Variants in NGDN observed in about 807,000 individuals in gnomAD.
The protein encoded by NGDN is neuroguidin, also known as EIF4E-binding protein.
A neutral mutation model predicts 45.2 loss-of-function variants in NGDN; 41 were observed. The ratio of observed to expected loss-of-function variants is 0.91; its 90% CI spans 0.71 to 1.18. The LOEUF is 1.18. NGDN is among the 50% of genes most tolerant of loss of function. The probability of loss-of-function intolerance (pLI) is 0.00; values close to 1 mark genes in which losing one functional copy is unlikely to be tolerated. For missense variants in NGDN, 402 were observed against 399.9 expected (o/e 1.01, Z -0.05); for synonymous variants, 137 against 130.9 (o/e 1.05, Z -0.32).
At chr14:23,477,145 T>C in intron 8 of NGDN, 55 bp from the exon 9 acceptor site, 1 of 1,588,550 alleles carries the variant, frequency 6.3e-7, no homozygotes. Flanking sequence ...GGTTGTGGGC[T>C]GGAGCTTTCC....
chr14:23,476,662 G>A (rs1238031748), intron 8 of NGDN, among the ~76,000 whole-genome samples: 1 of 152,170 alleles, frequency 6.6e-6, no homozygotes, highest in Admixed American at 6.5e-5. Flanking sequence ...GGGGAAAAAA[G>A]CAGTACAAAG....
chr14:23,476,443 C>A, intron 8 of NGDN, 36 bp downstream of exon 8: 2 of 1,565,726 alleles, frequency 1.3e-6, no homozygotes, highest in Non-Finnish European at 8.7e-7. Flanking sequence ...TTCCTGCACT[C>A]TAGAGTCCTG....
intron 3 of NGDN, among the ~76,000 whole-genome samples, chr14:23,474,288 G>A (rs890749633): frequency 1.3e-5 from 2 of 152,092 alleles, no homozygotes; most frequent in Non-Finnish European, 2.9e-5. Flanking sequence ...TCTTGGCCAA[G>A]TATTTAACCT....
At chr14:23,478,327 T>G (rs1893951986), downstream of NGDN, 2 of 346,514 alleles carry the variant, frequency 5.8e-6, no homozygotes, top group African/African-American at 2.1e-5. Flanking sequence ...AAACTAAAAA[T>G]TGGTTACGTC....
Position 23,475,220 on chromosome 14 carries a change from T to G in NGDN, c.194T>G (p.Met65Arg), listed in dbSNP as rs559030516. 3 of 1,614,176 alleles carry G rather than the reference T, an allele frequency of 1.9e-6. No individual in the cohort carries two copies. In the South Asian group the frequency reaches 3.3e-5, roughly 18 times the overall value. Residue 65 changes from methionine to arginine, a missense_variant, in exon 4 of 11, where the codon ATG becomes AGG. Met to Arg is a moderately conservative substitution (Grantham distance 91). Transcript: ENST00000408901. The part of the protein sequence containing the change: ...VKDQLLLMYL[M>R]DLTHLILDKA... ...GACCAGCTGCTGCTCATGTACCTTA[T>G]GGATTTGACCCACCTCATTCTGGAC...
chr14:23,477,705 T>G lies in NGDN; in HGVS notation c.928+145T>G, dbSNP rs1044276779. ...ATAATCTCCTTAGGTGGGCTTTTAT[T>G]TTTTGCTTTCCTGAGCTGGAAATCA... On this transcript the variant is annotated intron_variant, in intron 10 of 10. Coordinates refer to ENST00000408901, the MANE Select transcript of NGDN (RefSeq NM_001042635.2). 41 of 1,473,850 alleles carry G rather than the reference T, an allele frequency of 2.8e-5. No homozygotes were observed. In the African/African-American group the frequency reaches 5.0e-4, roughly 18 times the overall value. 91.3% of individuals were successfully genotyped at this position (1,473,850 alleles called of 1,614,324 possible). A position where few individuals can be genotyped will look rare whatever the true frequency, so the allele number is the denominator to read the frequency against.
intron 10 of NGDN, 134 bp from the exon 11 acceptor site, chr14:23,477,873 T>C: frequency 1.3e-6 from 2 of 1,563,684 alleles, no homozygotes; most frequent in South Asian, 1.2e-5. Flanking sequence ...TCGTCTTTTG[T>C]CCTGGGAAGA....
intron 3 of NGDN, among the ~76,000 whole-genome samples, chr14:23,473,290 C>T (rs1257237554): frequency 6.6e-6 from 1 of 152,110 alleles, no homozygotes; most frequent in Non-Finnish European, 1.5e-5. Flanking sequence ...TGAGCCACCA[C>T]ACCAGGCCTT....
chr14:23,470,085 A>G lies in NGDN; in HGVS notation c.56A>G (p.Lys19Arg). ...SDLPSAVTLL[K>R]NLQEQVMAVT... The stretch of plus-strand genomic sequence containing the variant: ...CTGCCAAGTGCCGTGACACTTCTGA[A>G]AAATCTCCAGGAGCAAGTGAGTAGT... Residue 19 changes from lysine to arginine, a missense_variant, in exon 2 of 11, where the codon AAA becomes AGA. Coordinates refer to ENST00000408901, the MANE Select transcript of NGDN (RefSeq NM_001042635.2). 1 of 1,614,086 alleles carries G rather than the reference A, an allele frequency of 6.2e-7. No individual in the cohort carries two copies. The highest frequency in any genetic ancestry group is 8.5e-7 in the Non-Finnish European group (1 of 1,179,946).
At chr14:23,472,635 T>C (rs1054008907) in intron 3 of NGDN, among the ~76,000 whole-genome samples, 1 of 152,216 alleles carries the variant, frequency 6.6e-6, no homozygotes, top group Non-Finnish European at 1.5e-5. Context: ...ACTGGAAAAC[T>C]CTGGTATTAT....
At chr14:23,476,722 C>T (rs1893913175) in intron 8 of NGDN, among the ~76,000 whole-genome samples, 1 of 152,192 alleles carries the variant, frequency 6.6e-6, no homozygotes, top group Admixed American at 6.5e-5. Context: ...CTGTGTTTCA[C>T]TGTCACAGCT....
In NGDN at chr14:23,478,065, AG is replaced by A. The variant is rs1893946444; in HGVS notation, c.*40del. 3 of 1,588,702 alleles carry A rather than the reference AG, an allele frequency of 1.9e-6. No homozygotes were observed. Among genetic ancestry groups the A allele is most frequent in the Non-Finnish European group, 2.6e-6 (3 of 1,156,992 alleles). On this transcript the variant is annotated 3_prime_UTR_variant, in exon 11 of 11. Coordinates refer to ENST00000408901, the MANE Select transcript of NGDN (RefSeq NM_001042635.2). ...TATTTGTATATTTTTTGTCATCCTG[AG>A]ATACTTCTAATTTCATTGTATATAG...
chr14:23,472,353 G>A lies in NGDN; in HGVS notation c.144+1376G>A, dbSNP rs773878007. ...TTTACTAAAAATACAAAAATTAGCC[G>A]GGCATGGTGGCGTGTGCCTGTCTGT... On this transcript the variant is annotated intron_variant, in intron 3 of 10. Coordinates refer to ENST00000408901, the MANE Select transcript of NGDN (RefSeq NM_001042635.2). 4.6e-4 allele frequency among the ~76,000 whole-genome samples: 70 copies of A among 151,930 alleles called. 1 individual carries two copies. Among genetic ancestry groups the A allele is most frequent in the Non-Finnish European group, 6.9e-4 (47 of 67,980 alleles).
intron 8 of NGDN, among the ~76,000 whole-genome samples, 184 bp from the exon 9 acceptor site, chr14:23,477,016 A>G (rs576583083): frequency 4.6e-5 from 7 of 152,344 alleles, no homozygotes; most frequent in Admixed American, 2.0e-4. Context: ...CACAGAGCAC[A>G]TTTCATTGAG....
intron 8 of NGDN, 45 bp downstream of exon 8, chr14:23,476,452 T>C (rs549411429): frequency 2.6e-6 from 4 of 1,519,010 alleles, no homozygotes; most frequent in Non-Finnish European, 3.6e-6. Context: ...TCTAGAGTCC[T>C]GTCCTCATGC....
rs1276061594 is a variant in NGDN at position 23,476,156 on chromosome 14, T to G, written c.544+4T>G. ...CGCTTGGTTCCAGTACATTATGGTA[T>G]AAACTTTGGCTGCTGCCTCCTCAGC... On this transcript the variant is annotated splice_donor_region_variant and intron_variant, in intron 7 of 10. Coordinates refer to ENST00000408901, the MANE Select transcript of NGDN (RefSeq NM_001042635.2). 6.2e-7 allele frequency: 1 copy of G among 1,614,208 alleles called. No individual in the cohort carries two copies. The highest frequency in any genetic ancestry group is 2.2e-5 in the East Asian group (1 of 44,882).
intron 3 of NGDN, among the ~76,000 whole-genome samples, chr14:23,474,909 A>T (rs1893861319): frequency 6.6e-6 from 1 of 152,102 alleles, no homozygotes; most frequent in Non-Finnish European, 1.5e-5. Context: ...ACCCTGTTAT[A>T]GTCTTTTTTG....
chr14:23,470,526 C>T (rs906186734), intron 2 of NGDN, among the ~76,000 whole-genome samples: 2 of 152,216 alleles, frequency 1.3e-5, no homozygotes, highest in Admixed American at 6.5e-5. Flanking sequence ...AGGACGGTTT[C>T]TACCGAATGC....
At chr14:23,470,292 C>A in intron 2 of NGDN, 191 bp downstream of exon 2, 1 of 565,616 alleles carries the variant, frequency 1.8e-6, no homozygotes, top group East Asian at 3.0e-5. Context: ...CAAGAAACTC[C>A]AAAAAGAAAT....
Sources: allele counts gnomAD v4.1 joint callset (sites outside exome capture counted in the v4.1 genomes callset), GRCh38; gene constraint gnomAD v4.1.1; transcripts MANE v1.5; gene names NCBI Gene and HGNC (gene_info 2026-07-23, HGNC 2026-07-21).